Variants in KIF20B observed in about 807,000 individuals in gnomAD.
The protein encoded by KIF20B is kinesin family member 20B, also known as kinesin-like protein KIF20B.
Under a neutral mutation model 232.5 loss-of-function variants are expected in KIF20B, and 188 were observed. The ratio of observed to expected loss-of-function variants is 0.81; its 90% confidence interval spans 0.72 to 0.91. The LOEUF is 0.91. KIF20B is among the 40% of genes least tolerant of loss of function. The pLI is 0.00. For missense variants in KIF20B, 2,154 were observed against 2,055.9 expected, an observed-to-expected ratio of 1.05 and a Z score of -0.92; for synonymous variants, 712 against 683.0, an observed-to-expected ratio of 1.04 and a Z score of -0.66.
intron 25 of KIF20B, among the ~76,000 whole-genome samples, chr10:89,754,302 C>T (rs1842077713): frequency 6.6e-6 from 1 of 151,794 alleles, no homozygotes; most frequent in African/African-American, 2.4e-5. Flanking sequence ...GACTTCATAG[C>T]AAAATTAACT....
intron 31 of KIF20B, among the ~76,000 whole-genome samples, chr10:89,771,628 G>A (rs1387073922): frequency 6.6e-6 from 1 of 151,956 alleles, no homozygotes; most frequent in Admixed American, 6.6e-5. Context: ...TGAGGCCTTT[G>A]GTGGAGGCCT....
chr10:89,763,413 A>G (rs141197028), intron 29 of KIF20B, among the ~76,000 whole-genome samples: 1 of 152,352 alleles, frequency 6.6e-6, no homozygotes, highest in East Asian at 1.9e-4. Flanking sequence ...GAGCCATTTC[A>G]GTATACCAGT....
At chr10:89,706,631 ATT>A (rs78731683) in intron 2 of KIF20B, among the ~76,000 whole-genome samples, 45,770 of 144,870 alleles carry the variant, frequency 0.32, 7,802 homozygotes, top group African/African-American at 0.47. Flanking sequence ...GCTTCCATAC[ATT>A]TTTTTTTTTT....
At chr10:89,707,718 G>C (rs1276615045) in intron 2 of KIF20B, among the ~76,000 whole-genome samples, 1 of 151,082 alleles carries the variant, frequency 6.6e-6, no homozygotes, top group Non-Finnish European at 1.5e-5. Flanking sequence ...TGGGGAAGCA[G>C]AAATCCTCTT....
intron 27 of KIF20B, 62 bp from the exon 28 acceptor site, chr10:89,760,464 A>C (rs910039296): frequency 1.0e-6 from 1 of 956,450 alleles, no homozygotes; most frequent in Non-Finnish European, 1.7e-6. Flanking sequence ...CTTTATGTGA[A>C]GTTTTCTTCA....
At chr10:89,729,300 G>T in intron 18 of KIF20B, 53 bp downstream of exon 18, 1 of 1,378,604 alleles carries the variant, frequency 7.3e-7, no homozygotes, top group Non-Finnish European at 9.7e-7. Flanking sequence ...ATATGTTTTG[G>T]TTGAAAGGAA....
intron 21 of KIF20B, among the ~76,000 whole-genome samples, chr10:89,742,414 A>G (rs1841819262): frequency 6.6e-6 from 1 of 152,174 alleles, no homozygotes. Context: ...TAGTCTTAAT[A>G]AGACTTGTCT....
At chr10:89,702,462 G>A (rs1398844298) in intron 1 of KIF20B, among the ~76,000 whole-genome samples, 1 of 152,194 alleles carries the variant, frequency 6.6e-6, no homozygotes, top group African/African-American at 2.4e-5. Flanking sequence ...GTTAGGTAGT[G>A]TAACAGTGTA....
intron 29 of KIF20B, among the ~76,000 whole-genome samples, chr10:89,764,953 A>G (rs1263494166): frequency 4.0e-5 from 6 of 151,548 alleles, no homozygotes; most frequent in Admixed American, 1.3e-4. Context: ...TTGGTGTTTT[A>G]GACATGAAGT....
At chr10:89,714,782 G>A (rs12414269) in intron 7 of KIF20B, among the ~76,000 whole-genome samples, 173 bp from the exon 8 acceptor site, 25,358 of 152,124 alleles carry the variant, frequency 0.17, 2,571 homozygotes, top group Non-Finnish European at 0.23. Flanking sequence ...TCTAACTTTG[G>A]TTAATCCACA....
intron 23 of KIF20B, among the ~76,000 whole-genome samples, chr10:89,747,750 T>G (rs1401309483): frequency 1.1e-3 from 144 of 125,434 alleles, no homozygotes; most frequent in Admixed American, 2.0e-3. Context: ...GTGGGGGGAG[T>G]GGGGAGGGAT....
Position 89,739,578 on chromosome 10 carries a change from C to G in KIF20B, c.3915+482C>G, listed in dbSNP as rs1184933994. ...AAATGTTACCAATTTCTTTCTTTTT[C>G]TGCACTTCTCCCTCCTTCCCATTTT... On this transcript the variant is annotated intron_variant, in intron 21 of 32. Coordinates refer to ENST00000371728, the MANE Select transcript of KIF20B (RefSeq NM_001284259.2). Among the ~76,000 whole-genome samples the G allele has an allele frequency of 3.1e-5, 4 of 127,438 alleles. No homozygotes were observed. The East Asian group carries it at 7.0e-4, about 22-fold the overall frequency. The allele number at this position is 127,438 out of a possible 152,430, so 83.6% of individuals were successfully genotyped here.
At chr10:89,766,068 G>A (rs1334693468) in intron 29 of KIF20B, among the ~76,000 whole-genome samples, 1 of 152,150 alleles carries the variant, frequency 6.6e-6, no homozygotes, top group Non-Finnish European at 1.5e-5. Context: ...GATTGAGGAA[G>A]TTCTCCTGGA....
At chr10:89,718,450 A>G (rs12248156) in intron 11 of KIF20B, among the ~76,000 whole-genome samples, 47,448 of 152,110 alleles carry the variant, frequency 0.31, 8,377 homozygotes, top group African/African-American at 0.47. Flanking sequence ...TGTTGAGGCT[A>G]CAGTGAGCTC....
chr10:89,728,607 G>C (rs1188328915), intron 17 of KIF20B, among the ~76,000 whole-genome samples: 2 of 152,140 alleles, frequency 1.3e-5, no homozygotes, highest in East Asian at 3.8e-4. Context: ...CTGGGTTCAA[G>C]TGATTCTCCT....
chr10:89,765,127 T>C (rs1190302291), intron 29 of KIF20B, among the ~76,000 whole-genome samples: 5 of 151,950 alleles, frequency 3.3e-5, no homozygotes, highest in African/African-American at 1.2e-4. Context: ...CTAGCCAGTT[T>C]TCCCAGCACC....
At chr10:89,757,669 G>C (rs779934860) in intron 26 of KIF20B, among the ~76,000 whole-genome samples, 2 of 152,074 alleles carry the variant, frequency 1.3e-5, no homozygotes, top group East Asian at 1.9e-4. Context: ...GTTGGTGTGA[G>C]ATAGTGGTCA....
At chr10:89,719,977 C>T (rs1361179611) in intron 13 of KIF20B, among the ~76,000 whole-genome samples, 1 of 152,136 alleles carries the variant, frequency 6.6e-6, no homozygotes, top group East Asian at 1.9e-4. Flanking sequence ...GACATAATGA[C>T]ACCTTACATC....
chr10:89,766,560 A>T (rs1036785727), intron 29 of KIF20B: 1 of 152,174 alleles, frequency 6.6e-6, no homozygotes, highest in South Asian at 2.1e-4. Context: ...GATGCAGTCA[A>T]CTGGGAGAAA....
Sources: allele counts gnomAD v4.1 joint callset (sites outside exome capture counted in the v4.1 genomes callset), GRCh38; gene constraint gnomAD v4.1.1; transcripts MANE v1.5; gene names NCBI Gene and HGNC (gene_info 2026-07-23, HGNC 2026-07-21).